RAC1: variants seen among roughly 807,000 people sequenced by gnomAD.
RAC1 encodes the protein ras-related C3 botulinum toxin substrate 1.
A neutral mutation model predicts 25.2 loss-of-function variants in RAC1; 2 were observed. That is an observed-to-expected ratio of 0.08 (90% CI 0.03 to 0.25). The LOEUF is 0.25. Among genes scored for constraint, RAC1 ranks in the 10% least tolerant of loss-of-function variants. RAC1 has a pLI of 1.00. For synonymous variants in RAC1, 88 were observed against 94.0 expected, an observed-to-expected ratio of 0.94 and a Z score of 0.37; for missense variants, 50 against 235.7, an observed-to-expected ratio of 0.21 and a Z score of 5.16.
intron 3 of RAC1, 54 bp downstream of exon 3, chr7:6,392,095 C>A: frequency 6.2e-7 from 1 of 1,608,396 alleles, no homozygotes; most frequent in Non-Finnish European, 8.5e-7. Context: ...AATTCTCGAG[C>A]GCTTAATTAG....
chr7:6,381,252 A>G (rs1782755493), intron 1 of RAC1, among the ~76,000 whole-genome samples: 1 of 152,206 alleles, frequency 6.6e-6, no homozygotes, highest in Non-Finnish European at 1.5e-5. Context: ...GGCTTGTATC[A>G]ACTACACCAG....
chr7:6,376,943 A>G (rs1782621639), intron 1 of RAC1, among the ~76,000 whole-genome samples: 1 of 151,922 alleles, frequency 6.6e-6, no homozygotes, highest in South Asian at 2.1e-4. Flanking sequence ...GTTGAATGTC[A>G]TGGAATCTGG....
rs919792249 is a variant in RAC1 at position 6,402,557 on chromosome 7, C to G, written c.*111C>G. Reference sequence around the variant, plus strand: ...AAAAAACAACGGTGGAGCCTTCGCACTCAATGCCAACTTTTTGTTACAGAT... The same window carrying G: ...AAAAAACAACGGTGGAGCCTTCGCAGTCAATGCCAACTTTTTGTTACAGAT... On this transcript the variant is annotated 3_prime_UTR_variant, in exon 6 of 6. Transcript: ENST00000348035. 3.7e-5 allele frequency: 39 copies of G among 1,044,690 alleles called. No homozygotes were observed. Among genetic ancestry groups the G allele is most frequent in the Non-Finnish European group, 4.3e-5 (35 of 806,776 alleles). The allele number at this position is 1,044,690 out of a possible 1,614,324, so 64.7% of individuals were successfully genotyped here. A position where few individuals can be genotyped will look rare whatever the true frequency, so the allele number is the denominator to read the frequency against.
intron 3 of RAC1, chr7:6,398,812 C>A: frequency 8.4e-7 from 1 of 1,184,936 alleles, no homozygotes; most frequent in Non-Finnish European, 1.2e-6. Context: ...GCCTCAAGCT[C>A]CTTGAGTGTT....
In RAC1 at chr7:6,392,749, GTTC is replaced by G. The variant is rs1392702089; in HGVS notation, c.225+712_225+714del. Among the ~76,000 whole-genome samples the G allele has an allele frequency of 3.9e-5, 6 of 152,168 alleles. No homozygotes were observed. The East Asian group carries it at 1.2e-3, about 29-fold the overall frequency. On this transcript the variant is annotated intron_variant, in intron 3 of 5. Coordinates refer to ENST00000348035, the MANE Select transcript of RAC1 (RefSeq NM_006908.5). Reference sequence around the variant, plus strand: ...CATTTGCTTATCTTGTTACATGTTTGTTCTTCATTTTTAAAAGTATCTTTGGAA... The same window carrying G: ...CATTTGCTTATCTTGTTACATGTTTGTTCATTTTTAAAAGTATCTTTGGAA...
rs143334016 is a variant in RAC1, at chr7:6,377,727, C to T, written c.35+2957C>T. Among the ~76,000 whole-genome samples, 711 of 152,142 alleles carry T rather than the reference C, an allele frequency of 4.7e-3. 2 individuals carry two copies. Among genetic ancestry groups the T allele is most frequent in the African/African-American group, 0.016 (683 of 41,484 alleles). ...GTCAGGAGTTTGAGACCAGTCTGGC[C>T]AATATGGCGAAACCTCGTCTCTACT... On this transcript the variant is annotated intron_variant, in intron 1 of 5. Coordinates refer to ENST00000348035, the MANE Select transcript of RAC1 (RefSeq NM_006908.5).
intron 1 of RAC1, among the ~76,000 whole-genome samples, chr7:6,383,169 A>G (rs10234438): frequency 0.084 from 12,820 of 152,234 alleles, 1,024 homozygotes; most frequent in African/African-American, 0.2. Flanking sequence ...ATTCTCCAGC[A>G]GTATCAGTCA....
At chr7:6,392,121 G>A (rs1783107790) in intron 3 of RAC1, 80 bp downstream of exon 3, 1 of 1,592,822 alleles carries the variant, frequency 6.3e-7, no homozygotes, top group East Asian at 2.2e-5. Context: ...GTTACCTATG[G>A]ACTTGCTTAT....
chr7:6,402,132 C>G, intron 5 of RAC1, 105 bp downstream of exon 5: 1 of 1,448,868 alleles, frequency 6.9e-7, no homozygotes, highest in African/African-American at 1.4e-5. Context: ...CACTCAGGGC[C>G]TGGTGTACTC....
chr7:6,378,326 A>C (rs1320791338), intron 1 of RAC1, among the ~76,000 whole-genome samples: 1 of 151,284 alleles, frequency 6.6e-6, no homozygotes, highest in African/African-American at 2.4e-5. Context: ...CAGGCGGATC[A>C]CCTGAGGTCA....
intron 5 of RAC1, 120 bp from the exon 6 acceptor site, chr7:6,402,196 G>A: frequency 6.8e-6 from 10 of 1,476,274 alleles, no homozygotes; most frequent in Non-Finnish European, 9.1e-6. Context: ...GTTGGAAGGT[G>A]GAAGCAGGGC....
At chr7:6,395,459 C>T (rs918076265) in intron 3 of RAC1, among the ~76,000 whole-genome samples, 1 of 152,164 alleles carries the variant, frequency 6.6e-6, no homozygotes, top group African/African-American at 2.4e-5. Flanking sequence ...CTCTTCGCCG[C>T]GAGGGAAACA....
chr7:6,396,504 G>A (rs1034887342), intron 3 of RAC1, among the ~76,000 whole-genome samples: 8 of 152,264 alleles, frequency 5.3e-5, no homozygotes, highest in Admixed American at 2.0e-4. Flanking sequence ...CGCTCCTGTC[G>A]TGTGTGTCTC....
chr7:6,394,400 T>C (rs1223272838), intron 3 of RAC1, among the ~76,000 whole-genome samples: 1 of 152,240 alleles, frequency 6.6e-6, no homozygotes, highest in Admixed American at 6.5e-5. Context: ...CTTCAGTTGC[T>C]ATGCACAGAA....
At chr7:6,386,549 A>G (rs1015883612) in intron 1 of RAC1, among the ~76,000 whole-genome samples, 1 of 152,148 alleles carries the variant, frequency 6.6e-6, no homozygotes, top group Non-Finnish European at 1.5e-5. Context: ...TGGGAGGTCC[A>G]GGTGGGCGGA....
At chr7:6,399,802 A>G in intron 3 of RAC1, 1 of 296,582 alleles carries the variant, frequency 3.4e-6, no homozygotes, top group East Asian at 6.1e-5. Flanking sequence ...TCATACCTTT[A>G]TACTTGATTT....
chr7:6,379,344 G>A (rs186106004), intron 1 of RAC1, among the ~76,000 whole-genome samples: 58 of 146,548 alleles, frequency 4.0e-4, no homozygotes, highest in African/African-American at 1.3e-3. Context: ...GTGCGATCTC[G>A]GCTCACTGCA....
rs973896905 is a variant in RAC1 at position 6,402,553 on chromosome 7, C to T, written c.*107C>T. On this transcript the variant is annotated 3_prime_UTR_variant, in exon 6 of 6. Coordinates refer to ENST00000348035, the MANE Select transcript of RAC1 (RefSeq NM_006908.5). ...AAAAAAAAAACAACGGTGGAGCCTT[C>T]GCACTCAATGCCAACTTTTTGTTAC... The T allele has an allele frequency of 1.4e-5, 16 of 1,111,812 alleles. No homozygotes were observed. The highest frequency in any genetic ancestry group is 4.0e-5 in the Admixed American group (1 of 24,988). The allele number at this position is 1,111,812 out of a possible 1,614,324, so 68.9% of individuals were successfully genotyped here. A position where few individuals can be genotyped will look rare whatever the true frequency, so the allele number is the denominator to read the frequency against.
rs189906930 is a variant in RAC1, at chr7:6,376,652, C to G, written c.35+1882C>G. 1.8e-4 allele frequency among the ~76,000 whole-genome samples: 26 copies of G among 147,862 alleles called. No homozygotes were observed. In the East Asian group the frequency reaches 4.3e-3, roughly 24 times the overall value. On this transcript the variant is annotated intron_variant, in intron 1 of 5. Coordinates refer to ENST00000348035, the MANE Select transcript of RAC1 (RefSeq NM_006908.5). ...AAGTAGCTGGGATTACAGGCGCAAG[C>G]CACCATGCCCAGCTAATTTGTTTTT...
Sources: allele counts gnomAD v4.1 joint callset (sites outside exome capture counted in the v4.1 genomes callset), GRCh38; gene constraint gnomAD v4.1.1; transcripts MANE v1.5; gene names NCBI Gene and HGNC (gene_info 2026-07-23, HGNC 2026-07-21).